CACNA2D1: variants seen among roughly 807,000 people sequenced by gnomAD.
The protein encoded by CACNA2D1 is voltage-dependent calcium channel subunit alpha-2/delta-1.
A neutral mutation model predicts 171.5 loss-of-function variants in CACNA2D1; 53 were observed. That is an observed-to-expected ratio of 0.31 (90% CI 0.25 to 0.39). CACNA2D1 has a LOEUF of 0.39. CACNA2D1 is among the 10% of genes least tolerant of loss of function. CACNA2D1 has a pLI of 1.00. For synonymous variants in CACNA2D1, 442 were observed against 443.1 expected (o/e 1.00, Z 0.03); for missense variants, 903 against 1,299.8 (o/e 0.69, Z 4.69).
chr7:82,019,984 A>G (rs1163823476), intron 12 of CACNA2D1, among the ~76,000 whole-genome samples: 1 of 152,210 alleles, frequency 6.6e-6, no homozygotes, highest in Non-Finnish European at 1.5e-5. Flanking sequence ...TGTGGTTTCC[A>G]TAATTCACAA....
At chr7:82,218,167 C>A (rs1230178521) in intron 3 of CACNA2D1, among the ~76,000 whole-genome samples, 1 of 152,058 alleles carries the variant, frequency 6.6e-6, no homozygotes, top group African/African-American at 2.4e-5. Context: ...ATCTCCTGAC[C>A]TCGTGATCCA....
chr7:82,438,586 T>G (rs1026922548), intron 1 of CACNA2D1, among the ~76,000 whole-genome samples: 1 of 152,146 alleles, frequency 6.6e-6, no homozygotes, highest in Non-Finnish European at 1.5e-5. Flanking sequence ...AAAAAATGAA[T>G]CCTGTGTAAG....
In CACNA2D1 at chr7:81,967,612, G is replaced by T; in HGVS notation, c.2447C>A (p.Thr816Asn). The T allele has an allele frequency of 6.6e-7, 1 of 1,510,184 alleles. No homozygotes were observed. The highest frequency in any genetic ancestry group is 9.2e-7 in the Non-Finnish European group (1 of 1,092,074). 93.5% of individuals were successfully genotyped at this position (1,510,184 alleles called of 1,614,324 possible). A position where few individuals can be genotyped will look rare whatever the true frequency, so the allele number is the denominator to read the frequency against. ...VNSWIENFTK[T>N]SIRDPCAGPV... is the part of the protein sequence containing the mutation. ...ATATCTTACCGGATCTCTGATTGAG[G>T]TTTTGGTGAAATTCTCTATCCAGGA... The change falls in exon 30 of 39, where the codon ACC (threonine) becomes AAC (asparagine). Residue 816 changes from threonine to asparagine, a missense_variant. This residue lies in a region of CACNA2D1 where 623 missense variants were observed against 925.5 expected (regional missense o/e 0.67). Coordinates refer to ENST00000356860, the MANE Select transcript of CACNA2D1 (RefSeq NM_000722.4).
At chr7:82,289,723 T>C (rs1225423225) in intron 3 of CACNA2D1, among the ~76,000 whole-genome samples, 1 of 152,242 alleles carries the variant, frequency 6.6e-6, no homozygotes, top group Non-Finnish European at 1.5e-5. Context: ...GAGAAAACTC[T>C]AATATTTACG....
chr7:82,378,944 TGTGTG>T, intron 1 of CACNA2D1, among the ~76,000 whole-genome samples: 1 of 27,030 alleles, frequency 3.7e-5, no homozygotes, highest in South Asian at 7.9e-4. Flanking sequence ...GACTCGTGTG[TGTGTG>T]TGTGTGTGTG....
Position 82,393,031 on chromosome 7 carries a change from GAGGAAGGAAGGAAGGAAGGA to G in CACNA2D1, c.96-43402_96-43383del, listed in dbSNP as rs552898545. 8.8e-4 allele frequency among the ~76,000 whole-genome samples: 67 copies of G among 75,874 alleles called. No individual in the cohort carries two copies. The East Asian group carries it at 0.03, about 34-fold the overall frequency. 49.8% of individuals were successfully genotyped at this position (75,874 alleles called of 152,430 possible). Reference sequence around the variant, plus strand: ...ATACAATAATAAAGAGACAGAGAGAGAGGAAGGAAGGAAGGAAGGAAGGAAGGAAGGAAGGAAGGAAGGAA... The same window carrying G: ...ATACAATAATAAAGAGACAGAGAGAGAGGAAGGAAGGAAGGAAGGAAGGAA... On this transcript the variant is annotated intron_variant, in intron 1 of 38. Coordinates refer to ENST00000356860, the MANE Select transcript of CACNA2D1 (RefSeq NM_000722.4).
chr7:82,089,758 G>A (rs565503514), intron 6 of CACNA2D1, among the ~76,000 whole-genome samples: 14 of 152,242 alleles, frequency 9.2e-5, no homozygotes, highest in Admixed American at 2.6e-4. Context: ...TTATGACAAG[G>A]AATACAGAAT....
In CACNA2D1 at chr7:82,366,903, C is replaced by CTTTTTTTTTTTTTTTTTTTTTTTT. The variant is rs71093376; in HGVS notation, c.96-17255_96-17254insAAAAAAAAAAAAAAAAAAAAAAAA. Among the ~76,000 whole-genome samples, 85 of 86,962 alleles carry CTTTTTTTTTTTTTTTTTTTTTTTT rather than the reference C, an allele frequency of 9.8e-4. 8 individuals are homozygous for CTTTTTTTTTTTTTTTTTTTTTTTT. Among genetic ancestry groups the CTTTTTTTTTTTTTTTTTTTTTTTT allele is most frequent in the African/African-American group, 1.3e-3 (33 of 25,948 alleles). The allele number at this position is 86,962 out of a possible 152,430, so 57.1% of individuals were successfully genotyped here. A position where few individuals can be genotyped will look rare whatever the true frequency, so the allele number is the denominator to read the frequency against. ...CCTGCCAGCATCCACTGGTTTTGAC[C>CTTTTTTTTTTTTTTTTTTTTTTTT]TTTTTTTTTTTTTTTTTTTTTTTGA... On this transcript the variant is annotated intron_variant, in intron 1 of 38. Transcript: ENST00000356860.
intron 1 of CACNA2D1, among the ~76,000 whole-genome samples, chr7:82,390,463 T>C (rs1227961179): frequency 6.6e-6 from 1 of 152,118 alleles, no homozygotes; most frequent in Non-Finnish European, 1.5e-5. Flanking sequence ...GGAGTTGAAA[T>C]AGGGTTGAAG....
chr7:82,142,055 G>A (rs1233398908), intron 4 of CACNA2D1, among the ~76,000 whole-genome samples: 1 of 152,042 alleles, frequency 6.6e-6, no homozygotes, highest in African/African-American at 2.4e-5. Flanking sequence ...CAAATACACA[G>A]GTTTTCAGTG....
chr7:82,325,783 G>T (rs1215331409), intron 3 of CACNA2D1, among the ~76,000 whole-genome samples: 2 of 152,174 alleles, frequency 1.3e-5, no homozygotes, highest in Non-Finnish European at 2.9e-5. Context: ...TGTAGATACA[G>T]CAGGTCCTCG....
At chr7:82,278,596 G>T (rs1292962915) in intron 3 of CACNA2D1, among the ~76,000 whole-genome samples, 3 of 146,558 alleles carry the variant, frequency 2.0e-5, no homozygotes, top group Non-Finnish European at 4.5e-5. Flanking sequence ...ATATCTTCCT[G>T]ACAAAAAGAA....
At chr7:81,958,881 A>G (rs755789016) in intron 38 of CACNA2D1, among the ~76,000 whole-genome samples, 44 of 152,136 alleles carry the variant, frequency 2.9e-4, no homozygotes, top group Non-Finnish European at 4.7e-4. Flanking sequence ...TAATAATAAG[A>G]CAATGGCTGT....
At chr7:82,005,737 G>A (rs376684214) in intron 17 of CACNA2D1, 28 bp downstream of exon 17, 2 of 1,418,512 alleles carry the variant, frequency 1.4e-6, no homozygotes, top group Non-Finnish European at 2.0e-6. Flanking sequence ...AACTAGAAAG[G>A]GTATCAAAAG....
chr7:81,975,022 T>TAA (rs199527878), intron 24 of CACNA2D1, among the ~76,000 whole-genome samples: 2 of 150,450 alleles, frequency 1.3e-5, no homozygotes, highest in East Asian at 2.0e-4. Context: ...TCCCTGAACT[T>TAA]AAAATAAAAA....
intron 3 of CACNA2D1, among the ~76,000 whole-genome samples, chr7:82,232,233 G>C (rs1206200245): frequency 6.6e-6 from 1 of 152,166 alleles, no homozygotes; most frequent in South Asian, 2.1e-4. Flanking sequence ...TGAAGAAATA[G>C]CACCCCAAAT....
At position 82,102,010 on chromosome 7, in the gene CACNA2D1, A is replaced by C. The variant is rs185866915; in HGVS notation, c.526+15034T>G. On this transcript the variant is annotated intron_variant, in intron 6 of 38. Transcript: ENST00000356860. ...AATATATTGATCTGTGGACATGGAA[A>C]GGAACAAAAATGTAGACTTAAACTA... Among the ~76,000 whole-genome samples the C allele has an allele frequency of 9.5e-4, 144 of 152,280 alleles. 1 individual carries two copies. The highest frequency in any genetic ancestry group is 3.4e-3 in the African/African-American group (142 of 41,576).
At position 82,412,420 on chromosome 7, in the gene CACNA2D1, T is replaced by C. The variant is rs560594006; in HGVS notation, c.95+30945A>G. Among the ~76,000 whole-genome samples, 6 of 151,904 alleles carry C rather than the reference T, an allele frequency of 3.9e-5. 1 individual carries two copies. The highest frequency in any genetic ancestry group is 3.9e-4 in the Admixed American group (6 of 15,252). On this transcript the variant is annotated intron_variant, in intron 1 of 38. Coordinates refer to ENST00000356860, the MANE Select transcript of CACNA2D1 (RefSeq NM_000722.4). ...CCTTCAGACTCCCGAGTAGCTGAGA[T>C]TACAGGCACGGGCCACTAGCCCATC...
At chr7:82,120,247 C>A (rs1238291856) in intron 5 of CACNA2D1, among the ~76,000 whole-genome samples, 1 of 152,070 alleles carries the variant, frequency 6.6e-6, no homozygotes, top group Non-Finnish European at 1.5e-5. Flanking sequence ...ACAAGCCTTG[C>A]ATGCAATTCT....
Sources: gnomAD v4.1 joint callset for allele counts (sites outside exome capture counted in the v4.1 genomes callset) on GRCh38, gnomAD v4.1.1 for gene constraint, gnomAD v4.1.1 regional missense constraint, MANE v1.5 for transcripts, NCBI Gene and HGNC (gene_info 2026-07-23, HGNC 2026-07-21) for gene names.